TENM2: variants seen among roughly 807,000 people sequenced by gnomAD.
The protein encoded by TENM2 is teneurin transmembrane protein 2, also known as teneurin-2.
A neutral mutation model predicts 245.2 loss-of-function variants in TENM2; 52 were observed. The observed-to-expected ratio is 0.21, with a 90% CI of 0.17 to 0.27. The LOEUF is 0.27. TENM2 is among the 10% of genes least tolerant of loss of function. The probability of loss-of-function intolerance (pLI) is 1.00; values close to 1 mark genes in which losing one functional copy is unlikely to be tolerated. For synonymous variants in TENM2, 1,363 were observed against 1,438.9 expected (o/e 0.95, Z 1.19); for missense variants, 3,046 against 3,666.8 (o/e 0.83, Z 4.37).
At chr5:168,253,432 T>A (rs1394173337) in intron 27 of TENM2, among the ~76,000 whole-genome samples, 1 of 150,156 alleles carries the variant, frequency 6.7e-6, no homozygotes, top group Admixed American at 6.6e-5. Context: ...TTATTTTATT[T>A]TTTTTTTTTT....
chr5:166,992,712 CA>C, the TENM2 span, among the ~76,000 whole-genome samples: 1 of 152,024 alleles, frequency 6.6e-6, no homozygotes, highest in Non-Finnish European at 1.5e-5. Flanking sequence ...CAGGAGCCTC[CA>C]GGGGGTCTAA....
the TENM2 span, among the ~76,000 whole-genome samples, chr5:167,090,078 T>C: frequency 1.3e-5 from 2 of 152,148 alleles, no homozygotes; most frequent in East Asian, 1.9e-4. Flanking sequence ...TCAATTAATA[T>C]TGAGTGCACA....
At chr5:167,552,713 T>A (rs567867589) in intron 2 of TENM2, among the ~76,000 whole-genome samples, 1 of 152,094 alleles carries the variant, frequency 6.6e-6, no homozygotes. Context: ...TCCATAAAGG[T>A]GTGTTGCGTA....
chr5:168,018,590 CAGGAAGGAATAGGATAGG>C (rs1785869240), intron 5 of TENM2, among the ~76,000 whole-genome samples: 1 of 151,930 alleles, frequency 6.6e-6, no homozygotes, highest in Non-Finnish European at 1.5e-5. Flanking sequence ...CAGGAAGTCC[CAGGAAGGAATAGGATAGG>C]AGGGAGGAGA....
At position 167,646,183 on chromosome 5, in the gene TENM2, TATATATATGTTGTTTTC is replaced by T. The variant is rs1160583301; in HGVS notation, c.503-229794_503-229778del. On this transcript the variant is annotated intron_variant, in intron 2 of 28. Coordinates refer to ENST00000518659, the Ensembl canonical transcript of TENM2. ...TATATATATATGTTGTTTTCATATATATATATATGTTGTTTTCATATATATATATATATATATATATA... is the reference window on the plus strand; with the variant it reads ...TATATATATATGTTGTTTTCATATATATATATATATATATATATATATATA... Among the ~76,000 whole-genome samples the T allele has an allele frequency of 8.3e-4, 94 of 113,830 alleles. 1 individual carries two copies. The highest frequency in any genetic ancestry group is 7.2e-3 in the South Asian group (25 of 3,480). 74.7% of individuals were successfully genotyped at this position (113,830 alleles called of 152,430 possible). A position where few individuals can be genotyped will look rare whatever the true frequency, so the allele number is the denominator to read the frequency against.
At chr5:167,346,488 A>G (rs2127828325) in intron 1 of TENM2, among the ~76,000 whole-genome samples, 1 of 152,330 alleles carries the variant, frequency 6.6e-6, no homozygotes, top group African/African-American at 2.4e-5. Flanking sequence ...ACTTTTTAAG[A>G]TATTAAAATT....
At chr5:167,765,637 C>T (rs1159660267) in intron 2 of TENM2, among the ~76,000 whole-genome samples, 3 of 152,118 alleles carry the variant, frequency 2.0e-5, no homozygotes, top group South Asian at 2.1e-4. Context: ...TATTATCTGC[C>T]GCGGAGCTCG....
exon 3 of TENM2, chr5:167,876,149 A>T: frequency 6.4e-7 from 1 of 1,551,650 alleles, no homozygotes; most frequent in Non-Finnish European, 8.7e-7. Flanking sequence ...CCCCCAATTC[A>T]TACCTGCTCA....
intron 2 of TENM2, among the ~76,000 whole-genome samples, chr5:167,682,124 C>CCCTGCCTGCCTGCCTG (rs1169883905): frequency 3.1e-4 from 37 of 119,942 alleles, no homozygotes; most frequent in Non-Finnish European, 3.8e-4. Context: ...CTCCCTCCCT[C>CCCTGCCTGCCTGCCTG]CCTGCCTGCC....
chr5:167,408,248 G>C (rs1762734279), intron 2 of TENM2, among the ~76,000 whole-genome samples: 1 of 152,138 alleles, frequency 6.6e-6, no homozygotes, highest in South Asian at 2.1e-4. Context: ...AAGGAAGCTT[G>C]GAACTGGAGG....
At chr5:167,165,780 G>A in the TENM2 span, among the ~76,000 whole-genome samples, 5 of 152,088 alleles carry the variant, frequency 3.3e-5, no homozygotes, top group Admixed American at 1.3e-4. Context: ...AAGACAAGAT[G>A]TACAAATAAT....
the TENM2 span, among the ~76,000 whole-genome samples, chr5:167,130,398 A>G: frequency 6.6e-6 from 1 of 152,186 alleles, no homozygotes. Context: ...GCGCTTTTAC[A>G]TTTATTAAGC....
At chr5:167,437,433 A>G (rs1482907659) in intron 2 of TENM2, among the ~76,000 whole-genome samples, 1 of 152,186 alleles carries the variant, frequency 6.6e-6, no homozygotes, top group African/African-American at 2.4e-5. Context: ...TTGATTTTAC[A>G]TGCTCATAGG....
the TENM2 span, among the ~76,000 whole-genome samples, chr5:167,109,230 ATT>A: frequency 1.2e-4 from 17 of 146,072 alleles, no homozygotes; most frequent in African/African-American, 3.7e-4. Context: ...AAATCTTTTA[ATT>A]TTTTTTTTTT....
intron 1 of TENM2, among the ~76,000 whole-genome samples, chr5:167,321,070 C>T (rs968617379): frequency 6.6e-6 from 1 of 152,046 alleles, no homozygotes; most frequent in African/African-American, 2.4e-5. Flanking sequence ...AATAAATTCT[C>T]CATTTTCAAA....
chr5:167,179,533 C>T, the TENM2 span, among the ~76,000 whole-genome samples: 1 of 151,768 alleles, frequency 6.6e-6, no homozygotes, highest in Non-Finnish European at 1.5e-5. Flanking sequence ...GGCATTTTTC[C>T]CCTTTAGTAA....
chr5:167,850,283 A>G (rs1433128050), intron 2 of TENM2, among the ~76,000 whole-genome samples: 2 of 152,212 alleles, frequency 1.3e-5, no homozygotes, highest in Non-Finnish European at 2.9e-5. Flanking sequence ...TAGAACCTGG[A>G]TGATTTGGGG....
intron 2 of TENM2, among the ~76,000 whole-genome samples, chr5:167,765,932 C>A (rs187110563): frequency 1.6e-4 from 24 of 152,130 alleles, no homozygotes; most frequent in African/African-American, 5.8e-4. Flanking sequence ...CTACTGTGTG[C>A]CTGGCATTTT....
At chr5:167,314,349 A>T (rs1193157705) in intron 1 of TENM2, among the ~76,000 whole-genome samples, 1 of 152,204 alleles carries the variant, frequency 6.6e-6, no homozygotes, top group Non-Finnish European at 1.5e-5. Context: ...TAATAAAATG[A>T]GGAATGATAT....
Sources: allele counts gnomAD v4.1 joint callset (sites outside exome capture counted in the v4.1 genomes callset), GRCh38; gene constraint gnomAD v4.1.1; transcripts MANE v1.5; gene names NCBI Gene and HGNC (gene_info 2026-07-23, HGNC 2026-07-21).